Variants in PLA2R1 observed in about 807,000 individuals in gnomAD.
The protein encoded by PLA2R1 is secretory phospholipase A2 receptor.
Under a neutral mutation model 195.9 loss-of-function variants are expected in PLA2R1, and 158 were observed. The ratio of observed to expected loss-of-function variants is 0.81; its 90% CI spans 0.71 to 0.92. PLA2R1 has a LOEUF of 0.92. Ranked by LOEUF, PLA2R1 falls within the 40% of genes least tolerant of loss-of-function variation. The probability of loss-of-function intolerance (pLI) is 0.00; values close to 1 mark genes in which losing one functional copy is unlikely to be tolerated. For synonymous variants in PLA2R1, 586 were observed against 598.2 expected (o/e 0.98, Z 0.30); for missense variants, 1,626 against 1,764.6 (o/e 0.92, Z 1.41).
At chr2:159,944,414 T>TA (rs902561444) in intron 28 of PLA2R1, among the ~76,000 whole-genome samples, 17 of 152,214 alleles carry the variant, frequency 1.1e-4, no homozygotes, top group African/African-American at 3.9e-4. Flanking sequence ...TTGTTTTTTT[T>TA]AATTACTAAA....
At chr2:159,957,873 A>G (rs750287226) in intron 20 of PLA2R1, among the ~76,000 whole-genome samples, 10 of 152,178 alleles carry the variant, frequency 6.6e-5, no homozygotes, top group Admixed American at 6.5e-5. Flanking sequence ...TATGCAAAGG[A>G]TGTTTCATCT....
At chr2:159,954,266 AGTGT>A (rs1417570621) in intron 23 of PLA2R1, among the ~76,000 whole-genome samples, 1 of 151,730 alleles carries the variant, frequency 6.6e-6, no homozygotes, top group Non-Finnish European at 1.5e-5. Context: ...GGTACTCATA[AGTGT>A]GTAAGTACCT....
intron 27 of PLA2R1, chr2:159,945,865 G>A: frequency 2.2e-6 from 2 of 904,332 alleles, no homozygotes; most frequent in Non-Finnish European, 2.6e-6. Context: ...GGTCATTTAG[G>A]TTATCATGTT....
downstream of PLA2R1, among the ~76,000 whole-genome samples, chr2:159,931,270 C>T (rs1180095773): frequency 6.6e-6 from 1 of 152,174 alleles, no homozygotes; most frequent in Non-Finnish European, 1.5e-5. Flanking sequence ...TGGTTCATGC[C>T]TACAATCCTA....
rs533814116 is a variant in PLA2R1 at position 159,941,245 on chromosome 2, A to T, written c.*533T>A. The T allele has an allele frequency of 6.6e-6, 1 of 152,466 alleles. No homozygotes were observed. Among genetic ancestry groups the T allele is most frequent in the South Asian group, 2.1e-4 (1 of 4,830 alleles). The allele number at this position is 152,466 out of a possible 1,614,324, so 9.4% of individuals were successfully genotyped here. A position where few individuals can be genotyped will look rare whatever the true frequency, so the allele number is the denominator to read the frequency against. On this transcript the variant is annotated 3_prime_UTR_variant, in exon 30 of 30. Coordinates refer to ENST00000283243, the MANE Select transcript of PLA2R1 (RefSeq NM_007366.5). ...TGAGAGCCCAGAACCTGTGACCCTTAAGCACAGAAATTAGTATTTTCCAAA... is the reference window on the plus strand; with the variant it reads ...TGAGAGCCCAGAACCTGTGACCCTTTAGCACAGAAATTAGTATTTTCCAAA...
intron 13 of PLA2R1, among the ~76,000 whole-genome samples, chr2:159,982,799 G>GT (rs1475364746): frequency 6.6e-6 from 1 of 152,238 alleles, no homozygotes. Context: ...ATTCAGGCCA[G>GT]TGTTTCATTG....
intron 3 of PLA2R1, among the ~76,000 whole-genome samples, chr2:160,035,981 G>T (rs1671100125): frequency 6.6e-6 from 1 of 152,108 alleles, no homozygotes; most frequent in South Asian, 2.1e-4. Flanking sequence ...GACTTCCCAT[G>T]CCTGGCTACC....
At position 160,062,421 on chromosome 2, in the gene PLA2R1, T is replaced by TCCGGGAGCCCCTTGTC. The variant is rs754716866; in HGVS notation, c.-34_-19dup. 1.1e-4 allele frequency: 173 copies of TCCGGGAGCCCCTTGTC among 1,530,686 alleles called. No homozygotes were observed. The highest frequency in any genetic ancestry group is 9.8e-4 in the African/African-American group (69 of 70,172). 94.8% of individuals were successfully genotyped at this position (1,530,686 alleles called of 1,614,324 possible). A position where few individuals can be genotyped will look rare whatever the true frequency, so the allele number is the denominator to read the frequency against. ...AGCAGCATCGCTAACCACTGGGCTCTCCGGGAGCCCCTTGTCCCGGGAGCC... is the reference window on the plus strand; with the variant it reads ...AGCAGCATCGCTAACCACTGGGCTCTCCGGGAGCCCCTTGTCCCGGGAGCCCCTTGTCCCGGGAGCC... On this transcript the variant is annotated 5_prime_UTR_variant, in exon 1 of 30. Coordinates refer to ENST00000283243, the MANE Select transcript of PLA2R1 (RefSeq NM_007366.5).
At chr2:160,050,821 G>A (rs1353143688) in intron 1 of PLA2R1, among the ~76,000 whole-genome samples, 6 of 152,156 alleles carry the variant, frequency 3.9e-5, no homozygotes, top group Non-Finnish European at 8.8e-5. Context: ...CTAAAGCCTG[G>A]GGCCATTATT....
In PLA2R1 at chr2:159,984,281, TGAG is replaced by T. The variant is rs571309683; in HGVS notation, c.2038-211_2038-209del. ...TCCTTTTATCCTCATAACAAATTTC[TGAG>T]GAGAATATAATAAACTCAGTTTTAT... On this transcript the variant is annotated intron_variant, in intron 12 of 29. Coordinates refer to ENST00000283243, the MANE Select transcript of PLA2R1 (RefSeq NM_007366.5). Among the ~76,000 whole-genome samples, 217 of 152,324 alleles carry T rather than the reference TGAG, an allele frequency of 1.4e-3. 1 individual carries two copies. The South Asian group carries it at 0.021, about 15-fold the overall frequency.
At position 159,946,920 on chromosome 2, in the gene PLA2R1, A is replaced by G. The variant is rs887028070; in HGVS notation, c.3851-3T>C. The G allele has an allele frequency of 3.2e-6, 5 of 1,562,768 alleles. No individual in the cohort carries two copies. Among genetic ancestry groups the G allele is most frequent in the East Asian group, 4.5e-5 (2 of 44,274 alleles). On this transcript the variant is annotated splice_region_variant and splice_polypyrimidine_tract_variant and intron_variant, in intron 26 of 29. Transcript: ENST00000283243. ...CTTGATTGTTAAAAGATTAGAACCT[A>G]TAAGAGAGACAAGTAGCAAAGGAAT...
intron 1 of PLA2R1, among the ~76,000 whole-genome samples, chr2:160,059,074 A>G (rs1182408142): frequency 6.6e-6 from 1 of 152,196 alleles, no homozygotes; most frequent in African/African-American, 2.4e-5. Flanking sequence ...CTCGCAACCT[A>G]GATCTCTCAC....
chr2:160,004,289 A>G (rs538599562), intron 11 of PLA2R1, among the ~76,000 whole-genome samples: 2 of 152,358 alleles, frequency 1.3e-5, no homozygotes, highest in South Asian at 4.1e-4. Context: ...CAAATGAGGT[A>G]TATGGTCACA....
chr2:160,042,000 T>C (rs766838349), intron 3 of PLA2R1, 25 bp downstream of exon 3: 8 of 1,580,374 alleles, frequency 5.1e-6, no homozygotes, highest in Non-Finnish European at 6.1e-6. Context: ...TCATGACATA[T>C]AGAGAAGACA....
chr2:159,984,522 T>G (rs1320641407), intron 12 of PLA2R1, among the ~76,000 whole-genome samples: 1 of 152,188 alleles, frequency 6.6e-6, no homozygotes, highest in Non-Finnish European at 1.5e-5. Context: ...CAGATTGCCT[T>G]CTGACAGATT....
chr2:160,008,122 T>C (rs939394394), intron 10 of PLA2R1, among the ~76,000 whole-genome samples: 1 of 152,000 alleles, frequency 6.6e-6, no homozygotes, highest in African/African-American at 2.4e-5. Context: ...GGAAACATAG[T>C]GAGATCCTGT....
At position 160,041,901 on chromosome 2, in the gene PLA2R1, T is replaced by C. The variant is rs1244448685; in HGVS notation, c.667+124A>G. Reference sequence around the variant, plus strand: ...AACCCCAAATCAAAATCTGTGTTAATAGCATCAGGGTTCTTATTCAGACTT... The same window carrying C: ...AACCCCAAATCAAAATCTGTGTTAACAGCATCAGGGTTCTTATTCAGACTT... On this transcript the variant is annotated intron_variant, in intron 3 of 29. Transcript: ENST00000283243. The C allele has an allele frequency of 1.2e-5, 9 of 727,728 alleles. No individual in the cohort carries two copies. In the Admixed American group the frequency reaches 1.5e-4, roughly 12 times the overall value. 45.1% of individuals were successfully genotyped at this position (727,728 alleles called of 1,614,324 possible).
intron 1 of PLA2R1, among the ~76,000 whole-genome samples, chr2:160,060,477 GGA>G (rs1354569179): frequency 6.6e-6 from 1 of 152,222 alleles, no homozygotes; most frequent in Non-Finnish European, 1.5e-5. Context: ...CTGGAGTCAG[GGA>G]GAGAGCCTGT....
At chr2:160,044,608 T>C (rs1694745656) in intron 2 of PLA2R1, among the ~76,000 whole-genome samples, 166 bp downstream of exon 2, 1 of 152,204 alleles carries the variant, frequency 6.6e-6, no homozygotes, top group South Asian at 2.1e-4. Context: ...GAGACTCTCA[T>C]AACCCTTTTA....
Sources: gnomAD v4.1 joint callset for allele counts (sites outside exome capture counted in the v4.1 genomes callset) on GRCh38, gnomAD v4.1.1 for gene constraint, MANE v1.5 for transcripts, NCBI Gene and HGNC (gene_info 2026-07-23, HGNC 2026-07-21) for gene names.